Variants in ABLIM1 observed in about 807,000 individuals in gnomAD.
ABLIM1 encodes the protein actin binding LIM protein 1.
A neutral mutation model predicts 107.0 loss-of-function variants in ABLIM1; 40 were observed. The ratio of observed to expected loss-of-function variants is 0.37; its 90% CI spans 0.29 to 0.49. The LOEUF is 0.49. Ranked by LOEUF, ABLIM1 falls within the 20% of genes least tolerant of loss-of-function variation. The pLI, the probability that ABLIM1 is intolerant of heterozygous loss-of-function variation, is 0.97. For synonymous variants in ABLIM1, 357 were observed against 357.3 expected, an observed-to-expected ratio of 1.00 and a Z score of 0.01; for missense variants, 857 against 1,008.5, an observed-to-expected ratio of 0.85 and a Z score of 2.04.
intron 1 of ABLIM1, among the ~76,000 whole-genome samples, chr10:114,745,900 G>T (rs1314241668): frequency 6.6e-6 from 1 of 152,144 alleles, no homozygotes; most frequent in Non-Finnish European, 1.5e-5. Flanking sequence ...TCTCTATAAT[G>T]CAAGGAAGAT....
chr10:114,784,570 G>C, the ABLIM1 span, among the ~76,000 whole-genome samples: 1 of 149,590 alleles, frequency 6.7e-6, no homozygotes, highest in Non-Finnish European at 1.5e-5. Flanking sequence ...GGGAGGCTGA[G>C]GCAGGAGAAT....
chr10:114,547,606 C>G lies in ABLIM1; in HGVS notation c.800+44G>C, dbSNP rs1444142512. 3.1e-6 allele frequency: 5 copies of G among 1,609,382 alleles called. No homozygotes were observed. In the Admixed American group the frequency reaches 8.4e-5, roughly 27 times the overall value. On this transcript the variant is annotated intron_variant, in intron 5 of 22. Coordinates refer to ENST00000533213, the MANE Select transcript of ABLIM1 (RefSeq NM_002313.7). ...CAGGACCTGCAGAAGAACCACAACGCCCGGTGCCCACTGAAAGGAACGCGT... is the reference window on the plus strand; with the variant it reads ...CAGGACCTGCAGAAGAACCACAACGGCCGGTGCCCACTGAAAGGAACGCGT...
intron 2 of ABLIM1, among the ~76,000 whole-genome samples, chr10:114,582,740 G>C (rs2073543064): frequency 6.6e-6 from 1 of 152,078 alleles, no homozygotes; most frequent in African/African-American, 2.4e-5. Flanking sequence ...CAACAAAGTA[G>C]ACAAAAATAA....
intron 6 of ABLIM1, among the ~76,000 whole-genome samples, chr10:114,539,075 G>A (rs2066345828): frequency 6.6e-6 from 1 of 152,184 alleles, no homozygotes; most frequent in African/African-American, 2.4e-5. Flanking sequence ...AAGAGGTATG[G>A]GGCTGGGCGC....
chr10:114,659,142 C>G (rs184360219), upstream of ABLIM1, among the ~76,000 whole-genome samples: 521 of 152,138 alleles, frequency 3.4e-3, 8 homozygotes, highest in Non-Finnish European at 2.1e-3. Context: ...TCATTAAAAC[C>G]CTAGAATAGA....
intron 6 of ABLIM1, chr10:114,502,280 G>C (rs559564044): frequency 6.0e-6 from 1 of 167,508 alleles, no homozygotes; most frequent in Admixed American, 5.9e-5. Flanking sequence ...ATTTCCTTGG[G>C]AGTTAGCTGA....
At chr10:114,734,840 G>A (rs991570335) in intron 1 of ABLIM1, among the ~76,000 whole-genome samples, 1 of 152,118 alleles carries the variant, frequency 6.6e-6, no homozygotes, top group South Asian at 2.1e-4. Context: ...TTCATCTAGC[G>A]ATAACTTAGT....
intron 1 of ABLIM1, among the ~76,000 whole-genome samples, chr10:114,718,043 GAGAAAGAA>G (rs60775863): frequency 5.2e-5 from 4 of 77,178 alleles, no homozygotes; most frequent in South Asian, 4.4e-4. Flanking sequence ...GAAAGAGAAA[GAGAAAGAA>G]AGAAAGAAAG....
rs540923437 is a variant in ABLIM1, at chr10:114,546,169, A to G, written c.801-1071T>C. On this transcript the variant is annotated intron_variant, in intron 5 of 22. Coordinates refer to ENST00000533213, the MANE Select transcript of ABLIM1 (RefSeq NM_002313.7). Reference sequence around the variant, plus strand: ...GTGTGTGATTGCATGGAAAAGCTATAGAGTGCCACCCTAGACTGCCAAGTT... The same window carrying G: ...GTGTGTGATTGCATGGAAAAGCTATGGAGTGCCACCCTAGACTGCCAAGTT... Among the ~76,000 whole-genome samples, 6 of 152,170 alleles carry G rather than the reference A, an allele frequency of 3.9e-5. No homozygotes were observed. The East Asian group carries it at 7.7e-4, about 20-fold the overall frequency.
intron 6 of ABLIM1, among the ~76,000 whole-genome samples, chr10:114,532,104 G>A (rs368604122): frequency 2.0e-5 from 3 of 152,224 alleles, no homozygotes; most frequent in Non-Finnish European, 2.9e-5. Context: ...CATGAGCCAC[G>A]GCACCTGGCC....
chr10:114,574,746 T>C (rs1430067618), intron 3 of ABLIM1, among the ~76,000 whole-genome samples: 6 of 152,208 alleles, frequency 3.9e-5, no homozygotes, highest in Non-Finnish European at 5.9e-5. Flanking sequence ...CCAGCCTGAC[T>C]GATCATTTTA....
chr10:114,463,864 C>T lies in ABLIM1; in HGVS notation c.1441+1834G>A, dbSNP rs150091320. On this transcript the variant is annotated intron_variant, in intron 12 of 22. Coordinates refer to ENST00000533213, the MANE Select transcript of ABLIM1 (RefSeq NM_002313.7). ...TATGCTATCAGAATCCCTCCAGCTTCACTTTGGAAGGGCAGCCTTCAAAAT... is the reference window on the plus strand; with the variant it reads ...TATGCTATCAGAATCCCTCCAGCTTTACTTTGGAAGGGCAGCCTTCAAAAT... 3.8e-3 allele frequency among the ~76,000 whole-genome samples: 581 copies of T among 152,274 alleles called. 5 individuals are homozygous for T. The highest frequency in any genetic ancestry group is 0.013 in the African/African-American group (546 of 41,554).
chr10:114,558,735 C>T (rs2069155232), intron 4 of ABLIM1, among the ~76,000 whole-genome samples: 1 of 152,196 alleles, frequency 6.6e-6, no homozygotes, highest in Non-Finnish European at 1.5e-5. Flanking sequence ...ATCTCTTAAA[C>T]TGCCTCTGTT....
At chr10:114,677,458 A>T (rs1206122787) in intron 1 of ABLIM1, among the ~76,000 whole-genome samples, 1 of 152,148 alleles carries the variant, frequency 6.6e-6, no homozygotes, top group Non-Finnish European at 1.5e-5. Context: ...ACTCTTCTGT[A>T]TCTGGGTTTA....
At chr10:114,638,221 C>G (rs2078574698) in intron 1 of ABLIM1, among the ~76,000 whole-genome samples, 1 of 152,176 alleles carries the variant, frequency 6.6e-6, no homozygotes, top group Non-Finnish European at 1.5e-5. Flanking sequence ...ATTTCAAAAT[C>G]TAACTCAAAT....
the ABLIM1 span, among the ~76,000 whole-genome samples, chr10:114,790,353 G>A: frequency 2.0e-5 from 3 of 151,342 alleles, no homozygotes; most frequent in South Asian, 4.2e-4. Context: ...AAAAACTAGT[G>A]AGAACACACA....
At chr10:114,451,707 G>C in intron 13 of ABLIM1, 36 bp from the exon 14 acceptor site, 1 of 1,573,080 alleles carries the variant, frequency 6.4e-7, no homozygotes, top group Non-Finnish European at 8.7e-7. Context: ...GTGATTATGG[G>C]AACCAGTTCA....
intron 1 of ABLIM1, among the ~76,000 whole-genome samples, chr10:114,719,691 G>T (rs1175442929): frequency 1.3e-5 from 2 of 152,188 alleles, no homozygotes; most frequent in African/African-American, 4.8e-5. Flanking sequence ...GATGATCCCA[G>T]CAGCTTTGTG....
chr10:114,505,500 C>T (rs1014209132), intron 6 of ABLIM1, among the ~76,000 whole-genome samples: 6 of 152,208 alleles, frequency 3.9e-5, no homozygotes, highest in Admixed American at 1.3e-4. Context: ...ATACACATCT[C>T]CTAGTTGCCA....
Sources: allele counts gnomAD v4.1 joint callset (sites outside exome capture counted in the v4.1 genomes callset), GRCh38; gene constraint gnomAD v4.1.1; transcripts MANE v1.5; gene names NCBI Gene and HGNC (gene_info 2026-07-23, HGNC 2026-07-21).